Variants in CDH8 observed in about 807,000 individuals in gnomAD.
CDH8 encodes cadherin-8.
A neutral mutation model predicts 68.1 loss-of-function variants in CDH8; 17 were observed. The observed-to-expected ratio is 0.25, with a 90% CI of 0.17 to 0.37. The LOEUF (loss-of-function observed/expected upper bound fraction) is 0.37. Among genes scored for constraint, CDH8 ranks in the 10% least tolerant of loss-of-function variants. CDH8 has a pLI of 1.00. For missense variants in CDH8, 763 were observed against 999.3 expected (o/e 0.76, Z 3.19); for synonymous variants, 372 against 365.1 (o/e 1.02, Z -0.21).
intron 8 of CDH8, among the ~76,000 whole-genome samples, chr16:61,766,965 G>A (rs536688657): frequency 6.6e-6 from 1 of 151,956 alleles, no homozygotes; most frequent in African/African-American, 2.4e-5. Context: ...ATCCACGTAC[G>A]TGCTTTGGAT....
At chr16:61,882,153 C>T (rs1963590928) in intron 3 of CDH8, among the ~76,000 whole-genome samples, 1 of 152,284 alleles carries the variant, frequency 6.6e-6, no homozygotes, top group South Asian at 2.1e-4. Flanking sequence ...GCCTTTCTAA[C>T]CATTGCCAAA....
intron 9 of CDH8, among the ~76,000 whole-genome samples, chr16:61,719,630 G>C (rs1226988784): frequency 6.6e-6 from 1 of 151,010 alleles, no homozygotes. Context: ...TAGCTTAGAA[G>C]AATCAACACC....
At chr16:61,692,308 A>C (rs1033628497) in intron 10 of CDH8, 1 of 152,106 alleles carries the variant, frequency 6.6e-6, no homozygotes, top group Non-Finnish European at 1.5e-5. Context: ...TACTTCTTTT[A>C]GTCACTCTTG....
chr16:61,784,042 C>T (rs1302884608), intron 8 of CDH8, among the ~76,000 whole-genome samples: 1 of 151,836 alleles, frequency 6.6e-6, no homozygotes. Flanking sequence ...CGAGCAAAAT[C>T]ACCAGCTAAC....
intron 2 of CDH8, among the ~76,000 whole-genome samples, chr16:62,011,908 G>A (rs80337706): frequency 6.2e-4 from 94 of 152,314 alleles, no homozygotes; most frequent in Non-Finnish European, 1.1e-3. Flanking sequence ...TATCTTAACT[G>A]AGTATTCCGA....
intron 2 of CDH8, among the ~76,000 whole-genome samples, chr16:61,978,360 T>C (rs1011309559): frequency 2.0e-5 from 3 of 152,204 alleles, no homozygotes; most frequent in African/African-American, 4.8e-5. Context: ...CCATTGATGG[T>C]GGCAGTGTTG....
At chr16:61,981,545 G>A (rs145046741) in intron 2 of CDH8, among the ~76,000 whole-genome samples, 145 of 152,212 alleles carry the variant, frequency 9.5e-4, no homozygotes, top group Non-Finnish European at 1.3e-3. Context: ...ATCTCTAAAC[G>A]TAATAAGGAC....
intron 8 of CDH8, among the ~76,000 whole-genome samples, chr16:61,787,941 TG>T (rs1555510338): frequency 6.4e-5 from 5 of 78,702 alleles, no homozygotes; most frequent in East Asian, 4.0e-4. Flanking sequence ...GGGACTGTGG[TG>T]GGGGGGGCGG....
chr16:61,961,058 G>C (rs182512058), intron 2 of CDH8, among the ~76,000 whole-genome samples: 254 of 152,274 alleles, frequency 1.7e-3, no homozygotes, highest in African/African-American at 5.8e-3. Flanking sequence ...GCTCATGCCT[G>C]TAATTCCAGC....
intron 2 of CDH8, among the ~76,000 whole-genome samples, chr16:61,978,716 A>G (rs1327714239): frequency 6.6e-6 from 1 of 152,120 alleles, no homozygotes; most frequent in Non-Finnish European, 1.5e-5. Flanking sequence ...AAGTGATCCA[A>G]ATTCAGATAT....
chr16:61,743,364 C>G (rs1959928197), intron 8 of CDH8: 1 of 155,400 alleles, frequency 6.4e-6, no homozygotes, highest in African/African-American at 2.4e-5. Flanking sequence ...GGGAGGGATG[C>G]CCGTGGAGTG....
At chr16:61,830,336 A>G (rs1962428071) in intron 4 of CDH8, among the ~76,000 whole-genome samples, 1 of 151,834 alleles carries the variant, frequency 6.6e-6, no homozygotes, top group East Asian at 1.9e-4. Flanking sequence ...AGAAGGATTT[A>G]AATTCTCAGA....
chr16:61,862,107 C>T (rs567761198), intron 3 of CDH8, among the ~76,000 whole-genome samples: 5 of 148,422 alleles, frequency 3.4e-5, no homozygotes, highest in Non-Finnish European at 7.4e-5. Flanking sequence ...AGTAAAACTG[C>T]TCAAAAGAAA....
At chr16:61,800,050 G>A (rs8057549) in intron 7 of CDH8, among the ~76,000 whole-genome samples, 58,540 of 151,830 alleles carry the variant, frequency 0.39, 12,014 homozygotes, top group African/African-American at 0.52. Flanking sequence ...CTGAGATTAC[G>A]GGTATGCACC....
At chr16:61,933,377 T>C (rs1211993248) in intron 2 of CDH8, among the ~76,000 whole-genome samples, 3 of 152,174 alleles carry the variant, frequency 2.0e-5, no homozygotes, top group Non-Finnish European at 4.4e-5. Context: ...ATTAGGGATA[T>C]TGAACTTTTA....
At chr16:61,866,005 C>A (rs1963246274) in intron 3 of CDH8, among the ~76,000 whole-genome samples, 1 of 151,984 alleles carries the variant, frequency 6.6e-6, no homozygotes, top group South Asian at 2.1e-4. Flanking sequence ...ATTATTTAAG[C>A]CTAGGAATTC....
intron 8 of CDH8, among the ~76,000 whole-genome samples, chr16:61,770,813 C>T (rs1960758049): frequency 6.6e-6 from 1 of 151,982 alleles, no homozygotes; most frequent in Admixed American, 6.6e-5. Flanking sequence ...ACTACAGAAA[C>T]TTCACCGCCA....
chr16:61,745,039 G>GA (rs1009465090), intron 8 of CDH8, among the ~76,000 whole-genome samples: 25 of 140,602 alleles, frequency 1.8e-4, no homozygotes, highest in African/African-American at 6.1e-4. Context: ...TTTTTTTTTA[G>GA]AAAAATATAT....
At chr16:61,861,839 C>A (rs1226117730) in intron 3 of CDH8, among the ~76,000 whole-genome samples, 1 of 152,092 alleles carries the variant, frequency 6.6e-6, no homozygotes, top group Non-Finnish European at 1.5e-5. Context: ...ATATGGATTA[C>A]TGTATGCAAA....
Sources: allele counts gnomAD v4.1 joint callset (sites outside exome capture counted in the v4.1 genomes callset), GRCh38; gene constraint gnomAD v4.1.1; transcripts MANE v1.5; gene names NCBI Gene and HGNC (gene_info 2026-07-23, HGNC 2026-07-21).